The following LINS1 variants were observed in gnomAD, a reference collection of about 807,000 sequenced individuals.
LINS1 encodes the protein lines homolog 1.
LINS1 carries 27 observed loss-of-function variants against 41.6 expected under a neutral mutation model. The observed-to-expected ratio is 0.65, with a 90% CI of 0.48 to 0.89. The LOEUF is 0.89. Ranked by LOEUF, LINS1 falls within the 40% of genes least tolerant of loss-of-function variation. The pLI is 0.00. For missense variants in LINS1, 955 were observed against 884.1 expected (o/e 1.08, Z -1.02); for synonymous variants, 336 against 312.9 (o/e 1.07, Z -0.78).
intron 5 of LINS1, 158 bp from the exon 6 acceptor site, chr15:100,572,223 T>TTA: frequency 6.8e-7 from 1 of 1,465,418 alleles, no homozygotes; most frequent in African/African-American, 1.4e-5. Context: ...GCATCTTTAT[T>TTA]TGGCAAATGA....
rs940305235 is a variant in LINS1 at position 100,567,821 on chromosome 15, G to A, written c.*1417C>T. 6 of 152,042 alleles carry A rather than the reference G, an allele frequency of 3.9e-5. No homozygotes were observed. Among genetic ancestry groups the A allele is most frequent in the African/African-American group, 1.4e-4 (6 of 41,412 alleles). The allele number at this position is 152,042 out of a possible 1,614,324, so 9.4% of individuals were successfully genotyped here. On this transcript the variant is annotated 3_prime_UTR_variant, in exon 7 of 7. Coordinates refer to ENST00000314742, the MANE Select transcript of LINS1 (RefSeq NM_001040616.3). ...GCTATTTGGCTAACACTGGTACTTCGCTGTTATTTTAATCGGCAACCTTCT... is the reference window on the plus strand; with the variant it reads ...GCTATTTGGCTAACACTGGTACTTCACTGTTATTTTAATCGGCAACCTTCT...
chr15:100,569,153 A>C lies in LINS1; in HGVS notation c.*85T>G, dbSNP rs28438569. On this transcript the variant is annotated 3_prime_UTR_variant, in exon 7 of 7. Coordinates refer to ENST00000314742, the MANE Select transcript of LINS1 (RefSeq NM_001040616.3). ...AAAAAAAAAAAAAGAAAACCCTTTTATGGTGATGATTTTATACTATTACCT... is the reference window on the plus strand; with the variant it reads ...AAAAAAAAAAAAAGAAAACCCTTTTCTGGTGATGATTTTATACTATTACCT... 959 of 784,320 alleles carry C rather than the reference A, an allele frequency of 1.2e-3. 4 individuals carry two copies. Among genetic ancestry groups the C allele is most frequent in the Non-Finnish European group, 1.8e-3 (855 of 488,348 alleles). The allele number at this position is 784,320 out of a possible 1,614,324, so 48.6% of individuals were successfully genotyped here. A position where few individuals can be genotyped will look rare whatever the true frequency, so the allele number is the denominator to read the frequency against.
Position 100,573,954 on chromosome 15 carries a change from G to C in LINS1, c.919C>G (p.Leu307Val), listed in dbSNP as rs543945494. 6.2e-7 allele frequency: 1 copy of C among 1,614,214 alleles called. No homozygotes were observed. Among genetic ancestry groups the C allele is most frequent in the East Asian group, 2.2e-5 (1 of 44,890 alleles). ...AGGTCTTCACCCACTTTACAGAGAA[G>C]GCACTTTTTGAGGAATATGATGACC... ...RKVIIFLKKCLLCKVGEDLCR... is the reference protein window; with the variant it reads ...RKVIIFLKKCVLCKVGEDLCR... The change falls in exon 5 of 7, where the codon CTT becomes GTT. Residue 307 changes from leucine to valine, a missense_variant. Transcript: ENST00000314742.
At chr15:100,572,148 T>C in intron 5 of LINS1, 83 bp from the exon 6 acceptor site, 1 of 1,563,302 alleles carries the variant, frequency 6.4e-7, no homozygotes, top group Non-Finnish European at 8.7e-7. Context: ...TCATAGTGTC[T>C]AAAGTACCTT....
In LINS1 at chr15:100,569,179, C is replaced by A; in HGVS notation, c.*59G>T. ...TGGTGATGATTTTATACTATTACCT[C>A]ATTGAGACATAATTTATATTAAGGA... On this transcript the variant is annotated 3_prime_UTR_variant, in exon 7 of 7. Transcript: ENST00000314742. 9.0e-7 allele frequency: 1 copy of A among 1,109,288 alleles called. No individual in the cohort carries two copies. The highest frequency in any genetic ancestry group is 1.4e-6 in the Non-Finnish European group (1 of 737,468). The allele number at this position is 1,109,288 out of a possible 1,614,324, so 68.7% of individuals were successfully genotyped here. A position where few individuals can be genotyped will look rare whatever the true frequency, so the allele number is the denominator to read the frequency against.
chr15:100,570,324 T>C (rs78493881), intron 6 of LINS1: 3 of 460,814 alleles, frequency 6.5e-6, no homozygotes, highest in Non-Finnish European at 1.2e-5. Flanking sequence ...CCACTGACTT[T>C]GGCAGTTCTA....
At chr15:100,590,600 C>T (rs1318655163) in intron 1 of LINS1, among the ~76,000 whole-genome samples, 3 of 152,204 alleles carry the variant, frequency 2.0e-5, no homozygotes, top group African/African-American at 7.2e-5. Context: ...CTAAAGGCTA[C>T]AGTTATGTAA....
chr15:100,591,236 A>G (rs1346828048), intron 1 of LINS1, among the ~76,000 whole-genome samples: 1 of 152,254 alleles, frequency 6.6e-6, no homozygotes, highest in East Asian at 1.9e-4. Flanking sequence ...TATTCTCTCA[A>G]AGGTTTTAAA....
chr15:100,568,059 A>G lies in LINS1; in HGVS notation c.*1179T>C, dbSNP rs2037617314. The G allele has an allele frequency of 1.3e-5, 2 of 152,212 alleles. No individual in the cohort carries two copies. Among genetic ancestry groups the G allele is most frequent in the South Asian group, 4.1e-4 (2 of 4,834 alleles). The allele number at this position is 152,212 out of a possible 1,614,324, so 9.4% of individuals were successfully genotyped here. ...AATATAGCTATTGCTCCTATTACAC[A>G]AACATATTACAATGGAATTTACGGC... is the stretch of plus-strand genomic sequence containing the variant. On this transcript the variant is annotated 3_prime_UTR_variant, in exon 7 of 7. Coordinates refer to ENST00000314742, the MANE Select transcript of LINS1 (RefSeq NM_001040616.3).
intron 1 of LINS1, among the ~76,000 whole-genome samples, chr15:100,586,675 G>C (rs189593985): frequency 7.9e-4 from 121 of 152,278 alleles, no homozygotes; most frequent in African/African-American, 2.8e-3. Context: ...TTATCTAAAA[G>C]TTAGTTCAGA....
intron 3 of LINS1, among the ~76,000 whole-genome samples, chr15:100,579,705 T>C (rs2038417237): frequency 6.6e-6 from 1 of 152,180 alleles, no homozygotes; most frequent in Non-Finnish European, 1.5e-5. Flanking sequence ...AAAACTCAAC[T>C]CTGAATTTAT....
intron 1 of LINS1, among the ~76,000 whole-genome samples, chr15:100,594,762 G>A (rs2039175839): frequency 6.6e-6 from 1 of 152,116 alleles, no homozygotes; most frequent in Admixed American, 6.5e-5. Flanking sequence ...GGTTCCCCCT[G>A]GCAGCCAGCA....
Position 100,568,757 on chromosome 15 carries a change from A to C in LINS1, c.*481T>G, listed in dbSNP as rs1105658. 93,460 of 165,900 alleles carry C rather than the reference A, an allele frequency of 0.56. 27,139 individuals are homozygous for C. The highest frequency in any genetic ancestry group is 0.64 in the Non-Finnish European group (48,716 of 75,576). 10.3% of individuals were successfully genotyped at this position (165,900 alleles called of 1,614,324 possible). On this transcript the variant is annotated 3_prime_UTR_variant, in exon 7 of 7. Coordinates refer to ENST00000314742, the MANE Select transcript of LINS1 (RefSeq NM_001040616.3). Reference sequence around the variant, plus strand: ...AAATCTCCAGTGGTATATAGCTATAATGAGTGACTTGTCACTTGATGTCTC... The same window carrying C: ...AAATCTCCAGTGGTATATAGCTATACTGAGTGACTTGTCACTTGATGTCTC...
chr15:100,588,864 T>A (rs1449928564), intron 1 of LINS1, among the ~76,000 whole-genome samples: 1 of 152,216 alleles, frequency 6.6e-6, no homozygotes, highest in Non-Finnish European at 1.5e-5. Flanking sequence ...TGAAATAATT[T>A]ATGAAAAAGA....
Position 100,569,432 on chromosome 15 carries a change from C to A in LINS1, c.2080G>T (p.Asp694Tyr). 4.3e-6 allele frequency: 7 copies of A among 1,614,158 alleles called. No individual in the cohort carries two copies. Among genetic ancestry groups the A allele is most frequent in the Non-Finnish European group, 5.9e-6 (7 of 1,180,030 alleles). The part of the protein sequence containing the change: ...LKEFDTAFSF[D>Y]CEVAPNDVVS... ...ACATCATTTGGGGCTACTTCACAAT[C>A]AAAGGAGAAGGCAGTATCAAATTCT... Residue 694 changes from aspartate to tyrosine, a missense_variant, in exon 7 of 7, where the codon GAT (aspartate) becomes TAT (tyrosine). Asp to Tyr is a radical substitution (Grantham distance 160). Transcript: ENST00000314742.
At chr15:100,600,166 G>A (rs371778363) in intron 1 of LINS1, among the ~76,000 whole-genome samples, 1 of 152,154 alleles carries the variant, frequency 6.6e-6, no homozygotes, top group Admixed American at 6.5e-5. Flanking sequence ...ATTTAGAAAC[G>A]GTGTTCTGAT....
intron 1 of LINS1, among the ~76,000 whole-genome samples, chr15:100,596,700 A>G (rs919230519): frequency 6.6e-6 from 1 of 152,230 alleles, no homozygotes; most frequent in African/African-American, 2.4e-5. Context: ...ATACACAAGT[A>G]AAAGCTTGCA....
At chr15:100,578,484 C>T (rs1369892984) in intron 3 of LINS1, among the ~76,000 whole-genome samples, 1 of 151,630 alleles carries the variant, frequency 6.6e-6, no homozygotes, top group Non-Finnish European at 1.5e-5. Flanking sequence ...GATACCATCT[C>T]ACACCAGTTA....
chr15:100,572,962 T>C lies in LINS1; in HGVS notation c.1222+689A>G. On this transcript the variant is annotated intron_variant, in intron 5 of 6. Coordinates refer to ENST00000314742, the MANE Select transcript of LINS1 (RefSeq NM_001040616.3). ...AGAGGATCACTTCAGCTCAAAACGT[T>C]GAGGCTGCAGTGAGCCTGGGAGACA... is the stretch of plus-strand genomic sequence containing the variant. 4 of 420,314 alleles carry C rather than the reference T, an allele frequency of 9.5e-6. No homozygotes were observed. The South Asian group carries it at 3.7e-4, about 39-fold the overall frequency. 26.0% of individuals were successfully genotyped at this position (420,314 alleles called of 1,614,324 possible).
Sources: allele counts gnomAD v4.1 joint callset (sites outside exome capture counted in the v4.1 genomes callset), GRCh38; gene constraint gnomAD v4.1.1; transcripts MANE v1.5; gene names NCBI Gene and HGNC (gene_info 2026-07-23, HGNC 2026-07-21).